IGF2BP3: variants seen among roughly 807,000 people sequenced by gnomAD.
IGF2BP3 encodes insulin-like growth factor 2 mRNA-binding protein 3.
IGF2BP3 carries 9 observed loss-of-function variants against 73.8 expected under a neutral mutation model. The observed-to-expected ratio is 0.12, with a 90% CI of 0.07 to 0.21. The LOEUF (loss-of-function observed/expected upper bound fraction) is 0.21. IGF2BP3 is among the 10% of genes least tolerant of loss of function. The probability of loss-of-function intolerance (pLI) is 1.00; values close to 1 mark genes in which losing one functional copy is unlikely to be tolerated. For missense variants in IGF2BP3, 542 were observed against 714.0 expected (o/e 0.76, Z 2.75); for synonymous variants, 258 against 256.7 (o/e 1.01, Z -0.05).
chr7:23,444,648 C>G (rs2128546284), intron 2 of IGF2BP3, among the ~76,000 whole-genome samples: 1 of 131,552 alleles, frequency 7.6e-6, no homozygotes, highest in Middle Eastern at 4.1e-3. Flanking sequence ...GAGGCTGAGG[C>G]ACGAGAATCG....
At chr7:23,386,700 G>A (rs547972130) in intron 3 of IGF2BP3, among the ~76,000 whole-genome samples, 15 of 152,266 alleles carry the variant, frequency 9.9e-5, no homozygotes, top group Admixed American at 2.6e-4. Context: ...ACTTAAGTAC[G>A]GGTTGTGCAA....
At chr7:23,425,755 C>A (rs1272052742) in intron 2 of IGF2BP3, among the ~76,000 whole-genome samples, 1 of 152,122 alleles carries the variant, frequency 6.6e-6, no homozygotes, top group Non-Finnish European at 1.5e-5. Flanking sequence ...ATAATTATCA[C>A]CCCTAATTTT....
At chr7:23,384,546 C>T (rs1005210897) in intron 3 of IGF2BP3, among the ~76,000 whole-genome samples, 2 of 152,072 alleles carry the variant, frequency 1.3e-5, no homozygotes, top group African/African-American at 4.8e-5. Flanking sequence ...TTAGTCTTTT[C>T]CAATTATGCA....
intron 11 of IGF2BP3, 69 bp downstream of exon 11, chr7:23,319,069 G>C: frequency 1.0e-6 from 1 of 976,842 alleles, no homozygotes. Context: ...AAATTATAAA[G>C]TGGCAAGAAG....
At chr7:23,316,644 C>T (rs1783996719) in intron 12 of IGF2BP3, among the ~76,000 whole-genome samples, 5 of 136,136 alleles carry the variant, frequency 3.7e-5, no homozygotes, top group African/African-American at 1.4e-4. Flanking sequence ...CACTGCAGTC[C>T]AGCCTGGGCG....
chr7:23,442,314 C>T (rs181464480), intron 2 of IGF2BP3, among the ~76,000 whole-genome samples: 1 of 152,070 alleles, frequency 6.6e-6, no homozygotes, highest in Admixed American at 6.6e-5. Flanking sequence ...AAATGTAATC[C>T]CTTAAGGCAG....
intron 10 of IGF2BP3, among the ~76,000 whole-genome samples, chr7:23,329,209 T>C (rs1160585133): frequency 6.7e-6 from 1 of 149,038 alleles, no homozygotes; most frequent in Non-Finnish European, 1.5e-5. Flanking sequence ...CAAGACTCCG[T>C]CTCAAAAAAA....
chr7:23,439,794 T>C (rs1291006491), intron 2 of IGF2BP3, among the ~76,000 whole-genome samples: 1 of 152,104 alleles, frequency 6.6e-6, no homozygotes, highest in African/African-American at 2.4e-5. Flanking sequence ...GAAACTGAGG[T>C]GGGTGGGAGC....
intron 10 of IGF2BP3, among the ~76,000 whole-genome samples, chr7:23,341,351 T>TA (rs1160118218): frequency 2.0e-5 from 3 of 152,246 alleles, no homozygotes; most frequent in African/African-American, 7.2e-5. Context: ...AAGAAGCCTT[T>TA]AAAAAATCTT....
chr7:23,399,582 G>A (rs1182679823), intron 3 of IGF2BP3, among the ~76,000 whole-genome samples: 1 of 151,946 alleles, frequency 6.6e-6, no homozygotes, highest in African/African-American at 2.4e-5. Context: ...CTGGCTTCTA[G>A]AACAAAAATT....
chr7:23,390,242 TGCATA>T (rs1786229064), intron 3 of IGF2BP3, among the ~76,000 whole-genome samples: 1 of 152,160 alleles, frequency 6.6e-6, no homozygotes, highest in Non-Finnish European at 1.5e-5. Flanking sequence ...TGTGTATACC[TGCATA>T]GAAGTATGAA....
intron 3 of IGF2BP3, among the ~76,000 whole-genome samples, chr7:23,367,994 C>T (rs1785429236): frequency 6.7e-6 from 1 of 150,294 alleles, no homozygotes. Flanking sequence ...ATAGAGACTC[C>T]ATCTATTTAA....
chr7:23,415,268 A>C (rs1469996754), intron 3 of IGF2BP3: 1 of 241,476 alleles, frequency 4.1e-6, no homozygotes, highest in African/African-American at 2.5e-5. Context: ...GCATCACCGC[A>C]TCACCAAGTC....
chr7:23,375,363 A>AC, intron 3 of IGF2BP3, among the ~76,000 whole-genome samples: 1 of 151,234 alleles, frequency 6.6e-6, no homozygotes, highest in Middle Eastern at 3.4e-3. Flanking sequence ...CTTTCATTCC[A>AC]CCCCCTTCAG....
At chr7:23,436,242 T>C (rs990019928) in intron 2 of IGF2BP3, among the ~76,000 whole-genome samples, 7 of 152,196 alleles carry the variant, frequency 4.6e-5, no homozygotes, top group African/African-American at 1.7e-4. Flanking sequence ...AGTGAGTTAG[T>C]GTCATGTTTT....
chr7:23,319,225 A>G lies in IGF2BP3; in HGVS notation c.1233T>C (p.Phe411=), dbSNP rs954293922. 20 of 1,612,980 alleles carry G rather than the reference A, an allele frequency of 1.2e-5. No homozygotes were observed. Among genetic ancestry groups the G allele is most frequent in the Non-Finnish European group, 1.5e-5 (18 of 1,179,432 alleles). The part of the protein sequence containing the change: ...EQSETETVHL[F]IPALSVGAII... Reference sequence around the variant, plus strand: ...TGGCACCGACTGATAGAGCTGGGATAAACAGATGAACAGTCTCCGTTTCTG... The same window carrying G: ...TGGCACCGACTGATAGAGCTGGGATGAACAGATGAACAGTCTCCGTTTCTG... The change falls in exon 11 of 15, where the codon TTT becomes TTC. Residue 411 remains phenylalanine (F), a synonymous_variant. Coordinates refer to ENST00000258729, the MANE Select transcript of IGF2BP3 (RefSeq NM_006547.3).
intron 10 of IGF2BP3, among the ~76,000 whole-genome samples, chr7:23,336,129 G>C (rs1784566488): frequency 6.6e-6 from 1 of 151,880 alleles, no homozygotes; most frequent in Admixed American, 6.6e-5. Flanking sequence ...AAGCAGGAAT[G>C]AGAAAACATG....
rs183608423 is a variant in IGF2BP3, at chr7:23,423,294, A to T, written c.237-4470T>A. On this transcript the variant is annotated intron_variant, in intron 2 of 14. Transcript: ENST00000258729. Reference sequence around the variant, plus strand: ...TCTGGCATGGAAAGAACTGGAGAAAAATCTATCTCAGTCAGCTACACAATT... The same window carrying T: ...TCTGGCATGGAAAGAACTGGAGAAATATCTATCTCAGTCAGCTACACAATT... 2.8e-3 allele frequency among the ~76,000 whole-genome samples: 422 copies of T among 152,294 alleles called. 1 individual carries two copies. The highest frequency in any genetic ancestry group is 4.7e-3 in the Non-Finnish European group (323 of 68,036).
Position 23,312,938 on chromosome 7 carries a change from A to G in IGF2BP3, c.1528-90T>C, listed in dbSNP as rs41273981. 2,136 of 709,798 alleles carry G rather than the reference A, an allele frequency of 3.0e-3. 11 individuals carry two copies. The highest frequency in any genetic ancestry group is 7.9e-3 in the Middle Eastern group (31 of 3,926). 44.0% of individuals were successfully genotyped at this position (709,798 alleles called of 1,614,324 possible). ...CTGTGCGCCAGACAGTGAGCTATGTATGGCTTTACAAATTTCATTTAATCC... is the reference window on the plus strand; with the variant it reads ...CTGTGCGCCAGACAGTGAGCTATGTGTGGCTTTACAAATTTCATTTAATCC... On this transcript the variant is annotated intron_variant, in intron 13 of 14. Coordinates refer to ENST00000258729, the MANE Select transcript of IGF2BP3 (RefSeq NM_006547.3).
Sources: gnomAD v4.1 joint callset for allele counts (sites outside exome capture counted in the v4.1 genomes callset) on GRCh38, gnomAD v4.1.1 for gene constraint, MANE v1.5 for transcripts, NCBI Gene and HGNC (gene_info 2026-07-23, HGNC 2026-07-21) for gene names.